CSMD3: variants seen among roughly 807,000 people sequenced by gnomAD.
The protein encoded by CSMD3 is CUB and sushi domain-containing protein 3.
Under a neutral mutation model 435.2 loss-of-function variants are expected in CSMD3, and 177 were observed. The observed-to-expected ratio is 0.41, with a 90% CI of 0.36 to 0.46. The LOEUF (loss-of-function observed/expected upper bound fraction) is 0.46, where lower values mean the gene tolerates loss of function less well. Ranked by LOEUF, CSMD3 falls within the 20% of genes least tolerant of loss-of-function variation. The pLI is 0.34. For missense variants in CSMD3, 4,265 were observed against 4,504.6 expected, an observed-to-expected ratio of 0.95 and a Z score of 1.52; for synonymous variants, 1,656 against 1,520.5, an observed-to-expected ratio of 1.09 and a Z score of -2.07.
At chr8:112,289,053 G>C (rs181588535) in intron 57 of CSMD3, among the ~76,000 whole-genome samples, 2 of 152,154 alleles carry the variant, frequency 1.3e-5, no homozygotes, top group Admixed American at 6.6e-5. Flanking sequence ...ACTTTAGCTT[G>C]AATAGTTTCA....
chr8:112,714,044 G>A (rs1313757771), intron 13 of CSMD3, among the ~76,000 whole-genome samples: 1 of 152,120 alleles, frequency 6.6e-6, no homozygotes, highest in African/African-American at 2.4e-5. Context: ...ACAGCATCAT[G>A]ATGACAGGAT....
At chr8:113,112,655 A>G (rs4551388) in intron 4 of CSMD3, among the ~76,000 whole-genome samples, 1 of 151,370 alleles carries the variant, frequency 6.6e-6, no homozygotes, top group Non-Finnish European at 1.5e-5. Context: ...CAATGGCTGG[A>G]TAACAGTAAA....
intron 32 of CSMD3, among the ~76,000 whole-genome samples, chr8:112,423,766 A>T (rs539548055): frequency 2.2e-4 from 33 of 152,292 alleles, no homozygotes; most frequent in Non-Finnish European, 7.4e-5. Flanking sequence ...CTTGGTGCAC[A>T]TGTAAAACTA....
At chr8:113,209,047 G>C (rs2092802827) in intron 3 of CSMD3, among the ~76,000 whole-genome samples, 1 of 151,920 alleles carries the variant, frequency 6.6e-6, no homozygotes, top group East Asian at 1.9e-4. Flanking sequence ...GCTTGTGTAG[G>C]TTCTTTGAAA....
intron 1 of CSMD3, among the ~76,000 whole-genome samples, chr8:113,377,786 T>G (rs1171788241): frequency 6.6e-6 from 1 of 152,186 alleles, no homozygotes. Context: ...AACCCAAAAT[T>G]ATTATAGCAG....
chr8:113,292,247 T>A (rs1460010240), intron 2 of CSMD3, among the ~76,000 whole-genome samples: 2 of 151,690 alleles, frequency 1.3e-5, no homozygotes, highest in African/African-American at 4.8e-5. Context: ...AAATAAAAAA[T>A]TTATAAGTTA....
At chr8:112,511,583 G>A (rs558380258) in intron 28 of CSMD3, among the ~76,000 whole-genome samples, 173 of 151,846 alleles carry the variant, frequency 1.1e-3, no homozygotes, top group African/African-American at 4.1e-3. Flanking sequence ...GTAGAGACGG[G>A]GTTTCACCGT....
At chr8:113,273,099 G>T (rs1284088588) in intron 3 of CSMD3, among the ~76,000 whole-genome samples, 1 of 151,742 alleles carries the variant, frequency 6.6e-6, no homozygotes, top group East Asian at 1.9e-4. Flanking sequence ...TTGTATGATT[G>T]TATGAAAATA....
chr8:112,871,426 A>G (rs2081131958), intron 10 of CSMD3, among the ~76,000 whole-genome samples: 1 of 152,194 alleles, frequency 6.6e-6, no homozygotes, highest in Non-Finnish European at 1.5e-5. Flanking sequence ...TTAATCTTCA[A>G]TGAAGATCAT....
chr8:112,528,108 T>C (rs1281194030), intron 27 of CSMD3, among the ~76,000 whole-genome samples: 1 of 152,194 alleles, frequency 6.6e-6, no homozygotes, highest in African/African-American at 2.4e-5. Flanking sequence ...ATACACTGTA[T>C]GCAAGTTGCA....
At chr8:112,913,124 C>T (rs914666738) in intron 10 of CSMD3, among the ~76,000 whole-genome samples, 1 of 151,832 alleles carries the variant, frequency 6.6e-6, no homozygotes, top group African/African-American at 2.4e-5. Context: ...TTTCTGTGGA[C>T]GCCTTCCTTA....
chr8:113,094,440 T>A (rs2090100327), intron 5 of CSMD3, among the ~76,000 whole-genome samples: 1 of 152,148 alleles, frequency 6.6e-6, no homozygotes, highest in Admixed American at 6.5e-5. Flanking sequence ...TCACTTTGCT[T>A]AAATGATTCT....
At chr8:112,482,330 T>A (rs1424081099) in intron 31 of CSMD3, among the ~76,000 whole-genome samples, 2 of 152,190 alleles carry the variant, frequency 1.3e-5, no homozygotes, top group East Asian at 3.8e-4. Context: ...GCATAGACAG[T>A]TAATGTATGA....
chr8:113,394,053 T>C (rs1286301137), intron 1 of CSMD3, among the ~76,000 whole-genome samples: 1 of 152,062 alleles, frequency 6.6e-6, no homozygotes, highest in African/African-American at 2.4e-5. Flanking sequence ...GTATAGAGTC[T>C]GCATTCTGAA....
At chr8:112,861,820 T>C (rs2080835168) in intron 10 of CSMD3, among the ~76,000 whole-genome samples, 1 of 151,890 alleles carries the variant, frequency 6.6e-6, no homozygotes, top group South Asian at 2.1e-4. Context: ...AATATACTCC[T>C]TCTCTGAGTG....
At chr8:112,756,033 T>G (rs1215718353) in intron 13 of CSMD3, among the ~76,000 whole-genome samples, 1 of 152,038 alleles carries the variant, frequency 6.6e-6, no homozygotes, top group Admixed American at 6.6e-5. Flanking sequence ...TGGTGGAATC[T>G]TTGCTTCTTG....
chr8:113,294,415 T>C lies in CSMD3; in HGVS notation c.402-15711A>G, dbSNP rs139983634. On this transcript the variant is annotated intron_variant, in intron 2 of 70. Transcript: ENST00000297405. ...TATTTATATTATTCCATTTTGAAAA[T>C]GAAGAAAACAAAGGCCTATGAGAAT... Among the ~76,000 whole-genome samples, 1,192 of 152,130 alleles carry C rather than the reference T, an allele frequency of 7.8e-3. 20 individuals carry two copies. Among genetic ancestry groups the C allele is most frequent in the African/African-American group, 0.027 (1,121 of 41,530 alleles).
At chr8:112,865,223 G>A (rs1430921114) in intron 10 of CSMD3, among the ~76,000 whole-genome samples, 1 of 152,110 alleles carries the variant, frequency 6.6e-6, no homozygotes, top group Non-Finnish European at 1.5e-5. Context: ...ATTTAGATTT[G>A]TGCCAGATAC....
chr8:112,224,612 G>A lies in CSMD3; in HGVS notation c.*159C>T. The A allele has an allele frequency of 1.4e-6, 1 of 736,688 alleles. No individual in the cohort carries two copies. The highest frequency in any genetic ancestry group is 1.5e-5 in the South Asian group (1 of 65,574). 45.6% of individuals were successfully genotyped at this position (736,688 alleles called of 1,614,324 possible). ...CTCCATGGTAAACATGAAGAATTAT[G>A]GTCCAGTTTATGAAAAAACACTCTT... On this transcript the variant is annotated 3_prime_UTR_variant, in exon 71 of 71. Transcript: ENST00000297405.
Sources: allele counts gnomAD v4.1 joint callset (sites outside exome capture counted in the v4.1 genomes callset), GRCh38; gene constraint gnomAD v4.1.1; transcripts MANE v1.5; gene names NCBI Gene and HGNC (gene_info 2026-07-23, HGNC 2026-07-21).